ZNF135: variants seen among roughly 807,000 people sequenced by gnomAD.
ZNF135 encodes the protein zinc finger protein 135 (clone pHZ-17).
In ZNF135, 11 loss-of-function variants were observed where a neutral mutation model predicts 12.3. The observed-to-expected ratio is 0.89, with a 90% CI of 0.56 to 1.48. ZNF135 has a LOEUF of 1.48. ZNF135 is among the 40% of genes most tolerant of loss of function. The pLI, the probability that ZNF135 is intolerant of heterozygous loss-of-function variation, is 0.00. For missense variants in ZNF135, 722 were observed against 815.7 expected (o/e 0.89, Z 1.40); for synonymous variants, 316 against 312.0 (o/e 1.01, Z -0.14).
In ZNF135 at chr19:58,063,532, G is replaced by T. The variant is rs760313854; in HGVS notation, c.247G>T (p.Val83Leu). The change falls in exon 4 of 5, where the codon GTG becomes TTG. Residue 83 changes from valine (V) to leucine (L), a missense_variant. Physicochemically the swap from Val to Leu is conservative, Grantham distance 32. Coordinates refer to ENST00000313434, the MANE Select transcript of ZNF135 (RefSeq NM_001289401.2). The surrounding 1 kb of genome is among the most constrained non-coding windows in gnomAD (Gnocchi z 4.4). The stretch of plus-strand genomic sequence containing the variant: ...GGTGGAGTCTAGACTTCCCCAAGGC[G>T]TGTACCCAGGTGAGATGGGAGCCCT... ...WAVESRLPQG[V>L]YPDLETRPKV... is the part of the protein sequence containing the mutation. 7.4e-6 allele frequency: 12 copies of T among 1,614,098 alleles called. No homozygotes were observed. The highest frequency in any genetic ancestry group is 1.0e-5 in the Non-Finnish European group (12 of 1,179,968).
chr19:58,059,981 C>T lies in ZNF135; in HGVS notation c.-22C>T. 7 of 1,613,310 alleles carry T rather than the reference C, an allele frequency of 4.3e-6. No individual in the cohort carries two copies. Among genetic ancestry groups the T allele is most frequent in the Non-Finnish European group, 5.9e-6 (7 of 1,179,850 alleles). ...CCCTTTCCCACAGAGCAGGGCCAGC[C>T]GTTCCTGCCAGAAGCCAGGGCATGA... On this transcript the variant is annotated 5_prime_UTR_variant, in exon 2 of 5. Transcript: ENST00000313434. The surrounding 1 kb of genome is among the most constrained non-coding windows in gnomAD (Gnocchi z 6.5).
chr19:58,060,274 C>T lies in ZNF135; in HGVS notation c.33+239C>T, dbSNP rs2073952864. 11 of 967,332 alleles carry T rather than the reference C, an allele frequency of 1.1e-5. No individual in the cohort carries two copies. The South Asian group carries it at 3.2e-4, about 28-fold the overall frequency. 59.9% of individuals were successfully genotyped at this position (967,332 alleles called of 1,614,324 possible). ...TGCCCGGCCTCTACTCGTGCCCGGCCTCTATTTGCACATCTAGCCTCTACT... is the reference window on the plus strand; with the variant it reads ...TGCCCGGCCTCTACTCGTGCCCGGCTTCTATTTGCACATCTAGCCTCTACT... On this transcript the variant is annotated intron_variant, in intron 2 of 4. Transcript: ENST00000313434. The surrounding 1 kb of genome is among the most constrained non-coding windows in gnomAD (Gnocchi z 4.9).
chr19:58,069,625 C>T lies in ZNF135; in HGVS notation c.*1164C>T, dbSNP rs1365115983. 1 of 151,980 alleles carries T rather than the reference C, an allele frequency of 6.6e-6. No individual in the cohort carries two copies. The highest frequency in any genetic ancestry group is 1.5e-5 in the Non-Finnish European group (1 of 68,056). The allele number at this position is 151,980 out of a possible 1,614,324, so 9.4% of individuals were successfully genotyped here. A position where few individuals can be genotyped will look rare whatever the true frequency, so the allele number is the denominator to read the frequency against. ...CGGTGACTTATGCCTGTAATCCCAG[C>T]ACTTTGGGAGGCCAAGGTGGGAGGA... On this transcript the variant is annotated 3_prime_UTR_variant, in exon 5 of 5. Coordinates refer to ENST00000313434, the MANE Select transcript of ZNF135 (RefSeq NM_001289401.2).
chr19:58,059,328 G>GGAGGGGGAGGGGAGGC lies in ZNF135; in HGVS notation c.-35+19_-35+34dup. ...TCAGGAGGGTGAGCTAGGCCGGCGAGGAGGGGGAGGGGAGGCCAGGCCGGG... is the reference window on the plus strand; with the variant it reads ...TCAGGAGGGTGAGCTAGGCCGGCGAGGAGGGGGAGGGGAGGCGAGGGGGAGGGGAGGCCAGGCCGGG... On this transcript the variant is annotated intron_variant, in intron 1 of 4. Transcript: ENST00000313434. The surrounding 1 kb of genome is among the most constrained non-coding windows in gnomAD (Gnocchi z 6.5). 6.5e-7 allele frequency: 1 copy of GGAGGGGGAGGGGAGGC among 1,544,432 alleles called. No individual in the cohort carries two copies.
intron 3 of ZNF135, among the ~76,000 whole-genome samples, chr19:58,062,866 A>C (rs1189807337): frequency 2.0e-5 from 3 of 151,340 alleles, no homozygotes; most frequent in African/African-American, 4.9e-5. Context: ...AATTTTTAAA[A>C]TTTTTGTAGA....
intron 3 of ZNF135, among the ~76,000 whole-genome samples, chr19:58,062,536 C>T (rs1271090739): frequency 1.4e-5 from 2 of 141,920 alleles, no homozygotes; most frequent in Non-Finnish European, 3.0e-5. Flanking sequence ...GTGCCCACCA[C>T]CACGCCTGGC....
chr19:58,060,212 A>C lies in ZNF135; in HGVS notation c.33+177A>C. ...CTACTCGTGCCCGGCCTCTACTCGC[A>C]CAACTGGCCTCTACTCGCGCACCTG... On this transcript the variant is annotated intron_variant, in intron 2 of 4. Coordinates refer to ENST00000313434, the MANE Select transcript of ZNF135 (RefSeq NM_001289401.2). The surrounding 1 kb of genome is among the most constrained non-coding windows in gnomAD (Gnocchi z 4.9). 1 of 1,449,648 alleles carries C rather than the reference A, an allele frequency of 6.9e-7. No individual in the cohort carries two copies. The highest frequency in any genetic ancestry group is 1.4e-5 in the African/African-American group (1 of 70,652). 89.8% of individuals were successfully genotyped at this position (1,449,648 alleles called of 1,614,324 possible).
chr19:58,065,675 T>A lies in ZNF135; in HGVS notation c.257-1066T>A, dbSNP rs1409116630. On this transcript the variant is annotated intron_variant, in intron 4 of 4. Coordinates refer to ENST00000313434, the MANE Select transcript of ZNF135 (RefSeq NM_001289401.2). The surrounding 1 kb of genome is among the most constrained non-coding windows in gnomAD (Gnocchi z 4.0). Reference sequence around the variant, plus strand: ...TCGTGATTACACAGGTCCACCCAGATAATCCAGTGTAATTTCTCTATCTTA... The same window carrying A: ...TCGTGATTACACAGGTCCACCCAGAAAATCCAGTGTAATTTCTCTATCTTA... Among the ~76,000 whole-genome samples the A allele has an allele frequency of 6.6e-6, 1 of 152,236 alleles. No homozygotes were observed. Among genetic ancestry groups the A allele is most frequent in the East Asian group, 1.9e-4 (1 of 5,202 alleles).
Position 58,060,734 on chromosome 19 carries a change from T to A in ZNF135, c.33+699T>A, listed in dbSNP as rs2073962964. On this transcript the variant is annotated intron_variant, in intron 2 of 4. Transcript: ENST00000313434. The surrounding 1 kb of genome is among the most constrained non-coding windows in gnomAD (Gnocchi z 4.9). ...TGTAATCCCAGCTATGGGGGAGGAT[T>A]GCTTGAGCCCAGGAGTTGGAGGCTG... is the stretch of plus-strand genomic sequence containing the variant. 6.6e-6 allele frequency among the ~76,000 whole-genome samples: 1 copy of A among 152,160 alleles called. No individual in the cohort carries two copies.
At chr19:58,064,697 T>A (rs1003239205) in intron 4 of ZNF135, among the ~76,000 whole-genome samples, 1 of 146,388 alleles carries the variant, frequency 6.8e-6, no homozygotes, top group Non-Finnish European at 1.5e-5. Context: ...CTGGCCAACA[T>A]GGTGAAACCC....
At chr19:58,064,139 G>C (rs2074028967) in intron 4 of ZNF135, among the ~76,000 whole-genome samples, 1 of 152,186 alleles carries the variant, frequency 6.6e-6, no homozygotes, top group Admixed American at 6.5e-5. Flanking sequence ...AGGTAGCAGA[G>C]GTATCCCAGC....
chr19:58,062,537 C>T (rs1212805204), intron 3 of ZNF135, among the ~76,000 whole-genome samples: 2 of 141,700 alleles, frequency 1.4e-5, no homozygotes, highest in Non-Finnish European at 3.0e-5. Context: ...TGCCCACCAC[C>T]ACGCCTGGCT....
chr19:58,059,290 CTT>C lies in ZNF135; in HGVS notation c.-53_-52del, dbSNP rs2073920581. On this transcript the variant is annotated 5_prime_UTR_variant, in exon 1 of 5. Coordinates refer to ENST00000313434, the MANE Select transcript of ZNF135 (RefSeq NM_001289401.2). The surrounding 1 kb of genome is among the most constrained non-coding windows in gnomAD (Gnocchi z 6.5). ...CAGTGTCGGCTGCCGGTGCCGCGGC[CTT>C]TGTCTCGCAGTCAGGAGGGTGAGCT... 2 of 1,539,002 alleles carry C rather than the reference CTT, an allele frequency of 1.3e-6. No individual in the cohort carries two copies. Among genetic ancestry groups the C allele is most frequent in the South Asian group, 2.2e-5 (2 of 88,994 alleles).
rs1328539074 is a variant in ZNF135 at position 58,060,554 on chromosome 19, C to G, written c.33+519C>G. Among the ~76,000 whole-genome samples, 1 of 152,214 alleles carries G rather than the reference C, an allele frequency of 6.6e-6. No individual in the cohort carries two copies. The highest frequency in any genetic ancestry group is 2.4e-5 in the African/African-American group (1 of 41,440). ...TGCTCTGCGCTCCAAGATGGCGCATCGAGTGCCGCTTCCTCAGACGTCATG... is the reference window on the plus strand; with the variant it reads ...TGCTCTGCGCTCCAAGATGGCGCATGGAGTGCCGCTTCCTCAGACGTCATG... On this transcript the variant is annotated intron_variant, in intron 2 of 4. Transcript: ENST00000313434. This position sits in a 1 kb window ranked among gnomAD's most constrained non-coding sequence, Gnocchi z 4.9.
chr19:58,067,123 C>A lies in ZNF135; in HGVS notation c.639C>A (p.Pro213=), dbSNP rs1164493596. ...VLQKTCVKEK[P]YKCQECGKAF... ...AGAAAACCTGTGTAAAAGAGAAACC[C>A]TACAAATGTCAGGAATGCGGAAAGG... Residue 213 remains proline, a synonymous_variant, in exon 5 of 5, where the codon CCC becomes CCA. Transcript: ENST00000313434. 2 of 1,614,076 alleles carry A rather than the reference C, an allele frequency of 1.2e-6. No individual in the cohort carries two copies. The highest frequency in any genetic ancestry group is 1.7e-6 in the Non-Finnish European group (2 of 1,180,042).
chr19:58,065,341 G>A lies in ZNF135; in HGVS notation c.257-1400G>A, dbSNP rs972072878. On this transcript the variant is annotated intron_variant, in intron 4 of 4. Coordinates refer to ENST00000313434, the MANE Select transcript of ZNF135 (RefSeq NM_001289401.2). This position sits in a 1 kb window ranked among gnomAD's most constrained non-coding sequence, Gnocchi z 4.0. ...CCTGAGTAGCTGAGACTACAGGTGT[G>A]TGTCACCATGCCCAGCTAATTTTTT... Among the ~76,000 whole-genome samples the A allele has an allele frequency of 1.6e-4, 24 of 152,192 alleles. No individual in the cohort carries two copies. Among genetic ancestry groups the A allele is most frequent in the Middle Eastern group, 3.4e-3 (1 of 294 alleles).
Position 58,060,197 on chromosome 19 carries a change from C to T in ZNF135, c.33+162C>T. On this transcript the variant is annotated intron_variant, in intron 2 of 4. Transcript: ENST00000313434. The surrounding 1 kb of genome is among the most constrained non-coding windows in gnomAD (Gnocchi z 4.9). ...TTGCGTGCCCGGCCCCTACTCGTGC[C>T]CGGCCTCTACTCGCACAACTGGCCT... 6.7e-7 allele frequency: 1 copy of T among 1,492,072 alleles called. No homozygotes were observed. Among genetic ancestry groups the T allele is most frequent in the East Asian group, 2.5e-5 (1 of 40,150 alleles). The allele number at this position is 1,492,072 out of a possible 1,614,324, so 92.4% of individuals were successfully genotyped here.
rs538513688 is a variant in ZNF135 at position 58,061,490 on chromosome 19, C to T, written c.34-90C>T. 2.1e-5 allele frequency: 32 copies of T among 1,504,982 alleles called. No individual in the cohort carries two copies. The South Asian group carries it at 3.5e-4, about 17-fold the overall frequency. The allele number at this position is 1,504,982 out of a possible 1,614,324, so 93.2% of individuals were successfully genotyped here. The stretch of plus-strand genomic sequence containing the variant: ...AACCCCAGACCAAAGGGAACTCCAT[C>T]CGACCCAGCCTGGCTGGCATTTACC... On this transcript the variant is annotated intron_variant, in intron 2 of 4. Coordinates refer to ENST00000313434, the MANE Select transcript of ZNF135 (RefSeq NM_001289401.2).
At position 58,065,853 on chromosome 19, in the gene ZNF135, A is replaced by G. The variant is rs1382570521; in HGVS notation, c.257-888A>G. 1.3e-5 allele frequency among the ~76,000 whole-genome samples: 2 copies of G among 151,878 alleles called. No homozygotes were observed. The highest frequency in any genetic ancestry group is 1.9e-4 in the East Asian group (1 of 5,170). The stretch of plus-strand genomic sequence containing the variant: ...TTTTAATTGAACTTTTCACTGAAAC[A>G]TAACAATATGGGGAAGGTGCCCACA... On this transcript the variant is annotated intron_variant, in intron 4 of 4. Transcript: ENST00000313434. This position sits in a 1 kb window ranked among gnomAD's most constrained non-coding sequence, Gnocchi z 4.0.
Sources: gnomAD v4.1 joint callset for allele counts (sites outside exome capture counted in the v4.1 genomes callset) on GRCh38, gnomAD v4.1.1 for gene constraint, Gnocchi (gnomAD v3.1) non-coding constraint, MANE v1.5 for transcripts, NCBI Gene and HGNC (gene_info 2026-07-23, HGNC 2026-07-21) for gene names.